Variants in SLIT3 observed in about 807,000 individuals in gnomAD.
SLIT3 encodes the protein slit guidance ligand 3.
In SLIT3, 68 loss-of-function variants were observed where a neutral mutation model predicts 184.0. The ratio of observed to expected loss-of-function variants is 0.37; its 90% CI spans 0.30 to 0.45. The LOEUF (loss-of-function observed/expected upper bound fraction) is 0.45, where lower values mean the gene tolerates loss of function less well. Among genes scored for constraint, SLIT3 ranks in the 20% least tolerant of loss-of-function variants. The probability of loss-of-function intolerance (pLI) is 1.00; values close to 1 mark genes in which losing one functional copy is unlikely to be tolerated. For synonymous variants in SLIT3, 831 were observed against 828.6 expected (o/e 1.00, Z -0.05); for missense variants, 1,707 against 2,026.0 (o/e 0.84, Z 3.02).
At chr5:168,998,010 C>G (rs188664916) in intron 4 of SLIT3, among the ~76,000 whole-genome samples, 7 of 152,240 alleles carry the variant, frequency 4.6e-5, no homozygotes, top group Non-Finnish European at 8.8e-5. Context: ...CATCTCTCCC[C>G]TTCCCTCCCT....
At chr5:168,699,655 G>A (rs557048534) in intron 27 of SLIT3, among the ~76,000 whole-genome samples, 5 of 152,198 alleles carry the variant, frequency 3.3e-5, no homozygotes, top group Non-Finnish European at 7.3e-5. Flanking sequence ...GAGGGCTGGA[G>A]GTGGGCCTGG....
intron 4 of SLIT3, among the ~76,000 whole-genome samples, chr5:168,988,499 G>T (rs182199631): frequency 1.3e-3 from 201 of 152,202 alleles, no homozygotes; most frequent in Middle Eastern, 3.4e-3. Flanking sequence ...CTCTTTCCAA[G>T]GGCTCCCGAC....
At position 168,719,548 on chromosome 5, in the gene SLIT3, G is replaced by A. The variant is rs141211689; in HGVS notation, c.2483+2708C>T. On this transcript the variant is annotated intron_variant, in intron 23 of 35. Coordinates refer to ENST00000519560, the MANE Select transcript of SLIT3 (RefSeq NM_003062.4). ...TATGTGATAAGCACTTTCCCACATTGCTATCTAGTTTTCATCTTTGCCTCT... is the reference window on the plus strand; with the variant it reads ...TATGTGATAAGCACTTTCCCACATTACTATCTAGTTTTCATCTTTGCCTCT... Among the ~76,000 whole-genome samples the A allele has an allele frequency of 3.2e-3, 490 of 152,262 alleles. 2 individuals carry two copies. Among genetic ancestry groups the A allele is most frequent in the African/African-American group, 0.011 (469 of 41,552 alleles).
chr5:169,082,836 A>G (rs1046816415), intron 4 of SLIT3, among the ~76,000 whole-genome samples: 1 of 152,224 alleles, frequency 6.6e-6, no homozygotes, highest in African/African-American at 2.4e-5. Context: ...ATGCAACTTC[A>G]TACCCCTTTC....
At chr5:169,069,802 A>T (rs1758479554) in intron 4 of SLIT3, among the ~76,000 whole-genome samples, 1 of 152,118 alleles carries the variant, frequency 6.6e-6, no homozygotes, top group African/African-American at 2.4e-5. Flanking sequence ...GAGTGTGGTG[A>T]GTGTGTACAC....
At chr5:169,011,570 C>T (rs1040562596) in intron 4 of SLIT3, among the ~76,000 whole-genome samples, 25 of 152,206 alleles carry the variant, frequency 1.6e-4, no homozygotes, top group African/African-American at 5.3e-4. Context: ...TGTAGACCCC[C>T]GAGGAGGAAG....
chr5:168,746,350 T>TGTGTGGGGGTGTGTGGTGTGGGG (rs1763808706), intron 20 of SLIT3, among the ~76,000 whole-genome samples: 1 of 85,026 alleles, frequency 1.2e-5, no homozygotes. Flanking sequence ...GTGGTGTGGG[T>TGTGTGGGGGTGTGTGGTGTGGGG]GTGTGGTGGT....
chr5:168,670,051 C>G, intron 34 of SLIT3, 60 bp from the exon 35 acceptor site: 1 of 1,468,000 alleles, frequency 6.8e-7, no homozygotes, highest in African/African-American at 1.4e-5. Context: ...GCTGGGGACT[C>G]CCTCTGTCCA....
chr5:168,680,680 G>A (rs1038022692), intron 32 of SLIT3, among the ~76,000 whole-genome samples: 6 of 152,160 alleles, frequency 3.9e-5, no homozygotes, highest in African/African-American at 7.2e-5. Flanking sequence ...TCGGCTGCTG[G>A]TCAGCTCAGG....
At chr5:168,933,689 T>C (rs1013053009) in intron 4 of SLIT3, among the ~76,000 whole-genome samples, 1 of 152,216 alleles carries the variant, frequency 6.6e-6, no homozygotes, top group Non-Finnish European at 1.5e-5. Flanking sequence ...GTCTAGGGTC[T>C]CTAGCTCCGA....
chr5:168,908,860 C>T (rs780435826), intron 4 of SLIT3, among the ~76,000 whole-genome samples: 3 of 152,156 alleles, frequency 2.0e-5, no homozygotes, highest in Non-Finnish European at 4.4e-5. Context: ...CATGGTAAGA[C>T]CTGAGGAGGA....
Position 169,263,883 on chromosome 5 carries a change from C to T in SLIT3, c.198-12424G>A, listed in dbSNP as rs144226576. On this transcript the variant is annotated intron_variant, in intron 1 of 35. Transcript: ENST00000519560. ...CCAAAGGACCTTGAAGAGGATACTC[C>T]CCAACTTCCTCCAGACACCTTGGAT... 2.2e-3 allele frequency among the ~76,000 whole-genome samples: 340 copies of T among 151,658 alleles called. 3 individuals are homozygous for T. The highest frequency in any genetic ancestry group is 7.3e-3 in the African/African-American group (303 of 41,356).
chr5:169,057,384 G>A (rs1347394024), intron 4 of SLIT3, among the ~76,000 whole-genome samples: 1 of 152,222 alleles, frequency 6.6e-6, no homozygotes, highest in Non-Finnish European at 1.5e-5. Context: ...CCCTTTTCTG[G>A]AAGCCCGCTT....
Position 168,722,263 on chromosome 5 carries a change from G to C in SLIT3, c.2476C>G (p.Arg826Gly). The C allele has an allele frequency of 6.2e-7, 1 of 1,613,954 alleles. No individual in the cohort carries two copies. The highest frequency in any genetic ancestry group is 8.5e-7 in the Non-Finnish European group (1 of 1,179,902). Residue 826 changes from arginine to glycine, a missense_variant, in exon 23 of 36, where the codon CGA (arginine) becomes GGA (glycine). Arg to Gly is a moderately radical substitution (Grantham distance 125). Coordinates refer to ENST00000519560, the MANE Select transcript of SLIT3 (RefSeq NM_003062.4). ...VHAFNGLRSL[R>G]VLTLHGNDIS... is the part of the protein sequence containing the mutation. ...GCACATTGGGGTACTCACAGCACTC[G>C]CAGGGACCGCAGCCCGTTGAAGGCG...
intron 4 of SLIT3, among the ~76,000 whole-genome samples, chr5:169,118,840 A>AC (rs1212060926): frequency 6.6e-6 from 1 of 152,088 alleles, no homozygotes; most frequent in Non-Finnish European, 1.5e-5. Context: ...CTGAGGATAT[A>AC]CCCCTTGCTG....
At chr5:169,026,770 T>C (rs1756841557) in intron 4 of SLIT3, 1 of 151,446 alleles carries the variant, frequency 6.6e-6, no homozygotes, top group South Asian at 2.1e-4. Flanking sequence ...TTTTATGCAG[T>C]GAGCTTCTAT....
At chr5:168,698,757 A>C (rs1321679948) in intron 27 of SLIT3, among the ~76,000 whole-genome samples, 1 of 152,094 alleles carries the variant, frequency 6.6e-6, no homozygotes, top group Non-Finnish European at 1.5e-5. Flanking sequence ...TTCCTTGAGG[A>C]CTGCATACGA....
intron 4 of SLIT3, among the ~76,000 whole-genome samples, chr5:168,944,928 T>C (rs1453022193): frequency 1.3e-5 from 2 of 152,124 alleles, no homozygotes; most frequent in Non-Finnish European, 2.9e-5. Flanking sequence ...GAAGGGTCTG[T>C]ACCTCCAGTT....
intron 4 of SLIT3, among the ~76,000 whole-genome samples, chr5:168,970,112 C>T (rs775138253): frequency 6.6e-5 from 10 of 152,078 alleles, no homozygotes; most frequent in Non-Finnish European, 1.2e-4. Context: ...ACCCAGGAGG[C>T]GGAGTTTGCA....
Sources: gnomAD v4.1 joint callset for allele counts (sites outside exome capture counted in the v4.1 genomes callset) on GRCh38, gnomAD v4.1.1 for gene constraint, MANE v1.5 for transcripts, NCBI Gene and HGNC (gene_info 2026-07-23, HGNC 2026-07-21) for gene names.